The following CTBP1 variants were observed in gnomAD, a reference collection of about 807,000 sequenced individuals.
CTBP1 encodes the protein C-terminal-binding protein 1.
Under a neutral mutation model 42.1 loss-of-function variants are expected in CTBP1, and 11 were observed. The ratio of observed to expected loss-of-function variants is 0.26; its 90% CI spans 0.16 to 0.43. CTBP1 has a LOEUF of 0.43. CTBP1 is among the 20% of genes least tolerant of loss of function. The probability of loss-of-function intolerance (pLI) is 1.00; values close to 1 mark genes in which losing one functional copy is unlikely to be tolerated. For missense variants in CTBP1, 399 were observed against 624.3 expected (o/e 0.64, Z 3.85); for synonymous variants, 324 against 277.1 (o/e 1.17, Z -1.68).
intron 1 of CTBP1, chr4:1,243,895 C>A: frequency 3.0e-6 from 3 of 985,510 alleles, no homozygotes; most frequent in Non-Finnish European, 3.6e-6. Flanking sequence ...CAGCTTCTCA[C>A]CCTGCAGACG....
intron 1 of CTBP1, 51 bp downstream of exon 1, chr4:1,248,860 ACCCGC>A (rs1000365735): frequency 2.0e-4 from 115 of 561,202 alleles, no homozygotes; most frequent in East Asian, 3.4e-4. Context: ...CCCGCGCGGC[ACCCGC>A]CCCGCCCCGC....
chr4:1,215,814 G>C (rs1729045885), intron 6 of CTBP1, 177 bp downstream of exon 6: 1 of 642,766 alleles, frequency 1.6e-6, no homozygotes, highest in Non-Finnish European at 2.7e-6. Context: ...TCAGAACACA[G>C]AAAACGCTGT....
intron 6 of CTBP1, chr4:1,215,504 C>G (rs1237356924): frequency 9.1e-6 from 2 of 218,648 alleles, no homozygotes; most frequent in African/African-American, 4.6e-5. Context: ...GCACTGCGAG[C>G]TGTGCTGAGG....
intron 4 of CTBP1, among the ~76,000 whole-genome samples, chr4:1,227,746 C>T (rs772379649): frequency 1.6e-4 from 24 of 152,100 alleles, no homozygotes; most frequent in Middle Eastern, 6.8e-3. Context: ...GCTGAGTGTG[C>T]GTGATCCATG....
At chr4:1,245,452 A>C (rs1732617906) in intron 1 of CTBP1, 1 of 985,156 alleles carries the variant, frequency 1.0e-6, no homozygotes, top group Non-Finnish European at 1.2e-6. Context: ...TCTACACACG[A>C]CACCACTGGA....
Position 1,233,008 on chromosome 4 carries a change from G to A in CTBP1, c.163-4665C>T, listed in dbSNP as rs964120677. On this transcript the variant is annotated intron_variant, in intron 3 of 9. Coordinates refer to ENST00000382952, the MANE Select transcript of CTBP1 (RefSeq NM_001012614.2). This position sits in a 1 kb window ranked among gnomAD's most constrained non-coding sequence, Gnocchi z 4.6. ...CTGGATCTTCTAGACCTGAGAGGGG[G>A]TCCTGGGGTCTGGACATGCCCTGCG... The A allele has an allele frequency of 6.6e-6, 1 of 152,652 alleles. No homozygotes were observed. Among genetic ancestry groups the A allele is most frequent in the Non-Finnish European group, 1.5e-5 (1 of 68,438 alleles). The allele number at this position is 152,652 out of a possible 1,614,324, so 9.5% of individuals were successfully genotyped here.
At chr4:1,218,905 T>C (rs1462106351) in intron 5 of CTBP1, among the ~76,000 whole-genome samples, 2 of 152,152 alleles carry the variant, frequency 1.3e-5, no homozygotes, top group Non-Finnish European at 2.9e-5. Flanking sequence ...CGTAGCCAGA[T>C]GACACCGAAA....
In CTBP1 at chr4:1,248,980, C is replaced by G; in HGVS notation, c.-253G>C. ...TCGAGAGGCGCGAGCGGCCGCGGGC[C>G]CCGACCACTCCGGCGCGCTGCGCCG... is the stretch of plus-strand genomic sequence containing the variant. On this transcript the variant is annotated 5_prime_UTR_variant, in exon 1 of 10. Transcript: ENST00000382952. The G allele has an allele frequency of 1.0e-6, 1 of 983,214 alleles. No individual in the cohort carries two copies. Among genetic ancestry groups the G allele is most frequent in the Non-Finnish European group, 1.2e-6 (1 of 827,638 alleles). The allele number at this position is 983,214 out of a possible 1,614,324, so 60.9% of individuals were successfully genotyped here.
Position 1,244,748 on chromosome 4 carries a change from C to T in CTBP1, c.-188-3229G>A, listed in dbSNP as rs544992355. ...CTGATTACTCCGGGCTCGAGTGGCC[C>T]TCTCGTGACAAAGCTGCCCTGCCGT... On this transcript the variant is annotated intron_variant, in intron 1 of 9. Coordinates refer to ENST00000382952, the MANE Select transcript of CTBP1 (RefSeq NM_001012614.2). 3.0e-6 allele frequency: 3 copies of T among 985,328 alleles called. No homozygotes were observed. In the East Asian group the frequency reaches 3.4e-4, roughly 112 times the overall value. The allele number at this position is 985,328 out of a possible 1,614,324, so 61.0% of individuals were successfully genotyped here.
At chr4:1,241,663 G>A in intron 1 of CTBP1, 144 bp from the exon 2 acceptor site, 1 of 1,306,194 alleles carries the variant, frequency 7.7e-7, no homozygotes, top group Non-Finnish European at 9.9e-7. Flanking sequence ...GGACTCGGGG[G>A]CCTGCTGACA....
At chr4:1,225,666 G>T in intron 4 of CTBP1, 100 bp from the exon 5 acceptor site, 1 of 1,296,576 alleles carries the variant, frequency 7.7e-7, no homozygotes, top group Non-Finnish European at 1.0e-6. Context: ...GCTTCCCAAG[G>T]AAGAAGCCAA....
At chr4:1,247,766 G>GA (rs1732874201) in intron 1 of CTBP1, among the ~76,000 whole-genome samples, 1 of 116,922 alleles carries the variant, frequency 8.6e-6, no homozygotes, top group Non-Finnish European at 2.0e-5. Flanking sequence ...AGAGGCCGGG[G>GA]AGGGGGGGGG....
In CTBP1 at chr4:1,238,468, TA is replaced by T. The variant is rs896463076; in HGVS notation, c.8-132del. ...GGGTTTTCTGGTCTATATGTTGTGATATTTGTAAAAAGTAAATTAAAAATCC... is the reference window on the plus strand; with the variant it reads ...GGGTTTTCTGGTCTATATGTTGTGATTTTGTAAAAAGTAAATTAAAAATCC... On this transcript the variant is annotated intron_variant, in intron 2 of 9. Transcript: ENST00000382952. The surrounding 1 kb of genome is among the most constrained non-coding windows in gnomAD (Gnocchi z 5.9). 13 of 1,112,206 alleles carry T rather than the reference TA, an allele frequency of 1.2e-5. No individual in the cohort carries two copies. In the African/African-American group the frequency reaches 1.7e-4, roughly 15 times the overall value. The allele number at this position is 1,112,206 out of a possible 1,614,324, so 68.9% of individuals were successfully genotyped here.
chr4:1,225,296 C>A (rs1730208983), intron 5 of CTBP1, 64 bp downstream of exon 5: 1 of 1,493,018 alleles, frequency 6.7e-7, no homozygotes, highest in Non-Finnish European at 8.9e-7. Flanking sequence ...CTCCTGGGCA[C>A]AGCTGAAGAG....
chr4:1,222,714 G>C (rs545234962), intron 5 of CTBP1, among the ~76,000 whole-genome samples: 4 of 152,162 alleles, frequency 2.6e-5, no homozygotes, highest in Non-Finnish European at 4.4e-5. Context: ...CACTCAGCAC[G>C]GGGCCCTGGG....
chr4:1,214,422 C>A lies in CTBP1; in HGVS notation c.781G>T (p.Glu261Ter). ...TTCAGGGCCTGGGCCAGCGCCTTCTCATCCACCAGGCCACCCCGGGCTGTG... is the reference window on the plus strand; with the variant it reads ...TTCAGGGCCTGGGCCAGCGCCTTCTAATCCACCAGGCCACCCCGGGCTGTG... ...VNTARGGLVD[E>*]KALAQALKEG... The change falls in exon 7 of 10, where the codon GAG (glutamate) becomes TAG (stop). Residue 261 changes from glutamate (E) to a stop codon, truncating the protein, a stop_gained. Coordinates refer to ENST00000382952, the MANE Select transcript of CTBP1 (RefSeq NM_001012614.2). LOFTEE classifies it high-confidence loss of function. 1 of 1,582,618 alleles carries A rather than the reference C, an allele frequency of 6.3e-7. No homozygotes were observed. The highest frequency in any genetic ancestry group is 2.4e-5 in the East Asian group (1 of 42,292).
chr4:1,216,921 AG>A (rs1729187685), intron 5 of CTBP1: 1 of 153,220 alleles, frequency 6.5e-6, no homozygotes, highest in African/African-American at 2.4e-5. Context: ...CAGGACCCCA[AG>A]CCCGCGAACG....
intron 1 of CTBP1, among the ~76,000 whole-genome samples, chr4:1,247,962 T>C (rs1367334303): frequency 6.6e-6 from 1 of 152,222 alleles, no homozygotes; most frequent in African/African-American, 2.4e-5. Flanking sequence ...AAAAGGGATC[T>C]GGCCCAGGCC....
intron 3 of CTBP1, chr4:1,236,628 G>C (rs1731525400): frequency 1.5e-6 from 1 of 676,730 alleles, no homozygotes; most frequent in Non-Finnish European, 2.7e-6. Context: ...ATGGGGCTCA[G>C]GGCAAACCCG....
Sources: gnomAD v4.1 joint callset for allele counts (sites outside exome capture counted in the v4.1 genomes callset) on GRCh38, gnomAD v4.1.1 for gene constraint, Gnocchi (gnomAD v3.1) non-coding constraint, MANE v1.5 for transcripts, NCBI Gene and HGNC (gene_info 2026-07-23, HGNC 2026-07-21) for gene names.